Variants in XYLB observed in about 807,000 individuals in gnomAD.
XYLB encodes the protein xylulose kinase.
A neutral mutation model predicts 78.7 loss-of-function variants in XYLB; 62 were observed. The ratio of observed to expected loss-of-function variants is 0.79; its 90% CI spans 0.64 to 0.97. XYLB has a LOEUF of 0.97. XYLB is among the 50% of genes least tolerant of loss of function. XYLB has a pLI of 0.00. For missense variants in XYLB, 687 were observed against 676.8 expected (o/e 1.02, Z -0.17); for synonymous variants, 245 against 247.4 (o/e 0.99, Z 0.09).
At chr3:38,411,191 T>G (rs1057251012) in intron 18 of XYLB, among the ~76,000 whole-genome samples, 1 of 152,204 alleles carries the variant, frequency 6.6e-6, no homozygotes, top group African/African-American at 2.4e-5. Flanking sequence ...CATGGAATAC[T>G]ATGCAGCCAT....
downstream of XYLB, among the ~76,000 whole-genome samples, chr3:38,425,674 G>GT (rs144753683): frequency 3.0e-3 from 450 of 152,332 alleles, 7 homozygotes; most frequent in African/African-American, 0.01. Flanking sequence ...GGTTATGCTT[G>GT]TGTTTCTCCA....
At chr3:38,435,952 A>G in the XYLB span, among the ~76,000 whole-genome samples, 1 of 152,194 alleles carries the variant, frequency 6.6e-6, no homozygotes, top group East Asian at 1.9e-4. Context: ...AAGGGAAGTT[A>G]TAGCAGTAAC....
At chr3:38,370,240 G>GCACACACGCA in intron 9 of XYLB, 66 bp downstream of exon 9, 1 of 646,400 alleles carries the variant, frequency 1.5e-6, no homozygotes, top group Non-Finnish European at 2.8e-6. Flanking sequence ...GCACTGTAGC[G>GCACACACGCA]CACACACACA....
the XYLB span, among the ~76,000 whole-genome samples, chr3:38,434,594 G>A: frequency 6.6e-6 from 1 of 152,134 alleles, no homozygotes; most frequent in Non-Finnish European, 1.5e-5. Flanking sequence ...GAAACAAAAG[G>A]ACAACATTTA....
intron 18 of XYLB, among the ~76,000 whole-genome samples, chr3:38,405,679 C>A (rs916374777): frequency 6.6e-6 from 1 of 152,230 alleles, no homozygotes; most frequent in Non-Finnish European, 1.5e-5. Flanking sequence ...TCACTCTCAC[C>A]CTAATACTGC....
intron 9 of XYLB, among the ~76,000 whole-genome samples, chr3:38,372,177 T>C (rs192091252): frequency 4.9e-4 from 75 of 152,346 alleles, no homozygotes; most frequent in African/African-American, 1.8e-3. Flanking sequence ...TCTGTCTTTT[T>C]TGGATTACTT....
chr3:38,359,010 G>A (rs1705828470), intron 2 of XYLB, among the ~76,000 whole-genome samples: 1 of 152,136 alleles, frequency 6.6e-6, no homozygotes, highest in Admixed American at 6.5e-5. Flanking sequence ...CAGCACTAGA[G>A]GAATGAAGAC....
At chr3:38,388,169 G>GTTTTTTTT (rs71085320) in intron 15 of XYLB, among the ~76,000 whole-genome samples, 4 of 109,338 alleles carry the variant, frequency 3.7e-5, no homozygotes, top group African/African-American at 6.5e-5. Flanking sequence ...GTTTTTTTTT[G>GTTTTTTTT]TTTTTTTTTT....
At chr3:38,446,396 T>C in the XYLB span, among the ~76,000 whole-genome samples, 2 of 152,208 alleles carry the variant, frequency 1.3e-5, no homozygotes, top group African/African-American at 2.4e-5. Flanking sequence ...ACAATCCTCT[T>C]GTAAGACAGA....
intron 2 of XYLB, among the ~76,000 whole-genome samples, chr3:38,352,969 G>C (rs1390924860): frequency 6.6e-6 from 1 of 152,194 alleles, no homozygotes. Context: ...CCAACCTCGT[G>C]ATCTGCCTGC....
chr3:38,427,171 C>T, the XYLB span, among the ~76,000 whole-genome samples: 2 of 152,160 alleles, frequency 1.3e-5, no homozygotes, highest in Non-Finnish European at 2.9e-5. Flanking sequence ...CCCCCTAATC[C>T]CCACTTTATA....
chr3:38,367,100 G>A (rs917938356), intron 7 of XYLB, among the ~76,000 whole-genome samples: 1 of 152,180 alleles, frequency 6.6e-6, no homozygotes, highest in South Asian at 2.1e-4. Flanking sequence ...GAAGGGTGAG[G>A]GTGAGGGTCC....
At chr3:38,365,433 C>T (rs1706201487) in intron 5 of XYLB, 148 bp downstream of exon 5, 2 of 1,369,864 alleles carry the variant, frequency 1.5e-6, no homozygotes, top group Non-Finnish European at 2.0e-6. Flanking sequence ...GGGGAGAGAC[C>T]CCACTGGGCC....
At chr3:38,431,889 C>T in the XYLB span, among the ~76,000 whole-genome samples, 2 of 152,026 alleles carry the variant, frequency 1.3e-5, no homozygotes, top group Admixed American at 6.6e-5. Flanking sequence ...GGAAACTGCC[C>T]CCATGATTTA....
At position 38,376,194 on chromosome 3, in the gene XYLB, C is replaced by T; in HGVS notation, c.1082C>T (p.Ala361Val). 1 of 1,614,024 alleles carries T rather than the reference C, an allele frequency of 6.2e-7. No homozygotes were observed. Among genetic ancestry groups the T allele is most frequent in the Non-Finnish European group, 8.5e-7 (1 of 1,179,868 alleles). The change falls in exon 13 of 19, where the codon GCA becomes GTA. Residue 361 changes from alanine (A) to valine (V), a missense_variant. Transcript: ENST00000207870. ...VSRSWSDFSK[A>V]LQSTEMGNGG... ...CGTTCCTGGAGCGATTTCTCTAAGG[C>T]ACTGCAGTCCACAGAGATGGGCAAC...
the XYLB span, among the ~76,000 whole-genome samples, chr3:38,445,507 T>A: frequency 6.6e-6 from 1 of 152,150 alleles, no homozygotes; most frequent in Non-Finnish European, 1.5e-5. Flanking sequence ...CTGACAGGCA[T>A]TAGGACCCAG....
At chr3:38,365,505 A>G in intron 5 of XYLB, 103 bp from the exon 6 acceptor site, 1 of 1,527,006 alleles carries the variant, frequency 6.5e-7, no homozygotes, top group South Asian at 1.3e-5. Context: ...ACCTGGGAAG[A>G]AGCGTCATGA....
chr3:38,429,787 A>G, the XYLB span, among the ~76,000 whole-genome samples: 1 of 152,058 alleles, frequency 6.6e-6, no homozygotes, highest in African/African-American at 2.4e-5. Context: ...ATTCCCACCT[A>G]TGAGTGAGAA....
the XYLB span, among the ~76,000 whole-genome samples, chr3:38,433,540 T>G: frequency 1.3e-3 from 192 of 152,346 alleles, 1 homozygote; most frequent in Middle Eastern, 0.01. Context: ...ATTAGAAATT[T>G]CTTCCACCAG....
Sources: gnomAD v4.1 joint callset for allele counts (sites outside exome capture counted in the v4.1 genomes callset) on GRCh38, gnomAD v4.1.1 for gene constraint, MANE v1.5 for transcripts, NCBI Gene and HGNC (gene_info 2026-07-23, HGNC 2026-07-21) for gene names.